CTNNA2: variants seen among roughly 807,000 people sequenced by gnomAD.
CTNNA2 encodes the protein catenin alpha-2.
In CTNNA2, 42 loss-of-function variants were observed where a neutral mutation model predicts 101.0. The observed-to-expected ratio is 0.42, with a 90% confidence interval of 0.32 to 0.54. The LOEUF is 0.54. Among genes scored for constraint, CTNNA2 ranks in the 20% least tolerant of loss-of-function variants. The pLI, the probability that CTNNA2 is intolerant of heterozygous loss-of-function variation, is 0.14. For missense variants in CTNNA2, 871 were observed against 1,223.1 expected (o/e 0.71, Z 4.29); for synonymous variants, 450 against 456.4 (o/e 0.99, Z 0.18).
intron 2 of CTNNA2, among the ~76,000 whole-genome samples, chr2:79,290,358 C>T (rs867140945): frequency 5.9e-5 from 9 of 152,174 alleles, no homozygotes; most frequent in African/African-American, 2.2e-4. Flanking sequence ...GATACGGGAG[C>T]GGGGCAGGGA....
intron 1 of CTNNA2, chr2:79,547,549 C>A (rs1254852607): frequency 6.6e-6 from 1 of 152,186 alleles, no homozygotes; most frequent in African/African-American, 2.4e-5. Flanking sequence ...ATTTTTTAGT[C>A]TTTGTATTAT....
At chr2:79,432,247 A>T (rs927612879) in intron 4 of CTNNA2, among the ~76,000 whole-genome samples, 1 of 152,142 alleles carries the variant, frequency 6.6e-6, no homozygotes, top group African/African-American at 2.4e-5. Flanking sequence ...AACCACAACT[A>T]CAGTACAGTA....
chr2:79,476,187 A>G (rs1040326121), intron 4 of CTNNA2, among the ~76,000 whole-genome samples: 10 of 152,208 alleles, frequency 6.6e-5, no homozygotes, highest in African/African-American at 2.4e-4. Flanking sequence ...GGCAGGAGTT[A>G]TCACACAGGG....
chr2:79,198,125 T>C (rs1490835215), intron 2 of CTNNA2: 2 of 152,132 alleles, frequency 1.3e-5, no homozygotes, highest in Admixed American at 6.5e-5. Flanking sequence ...GATTCAGATA[T>C]GTTAACAAAC....
chr2:79,228,336 T>C (rs981011666), intron 2 of CTNNA2, among the ~76,000 whole-genome samples: 7 of 152,222 alleles, frequency 4.6e-5, no homozygotes, highest in African/African-American at 1.7e-4. Context: ...AAAACTGCTT[T>C]CCACAATGGC....
At chr2:79,371,645 A>T (rs1247450056) in intron 3 of CTNNA2, among the ~76,000 whole-genome samples, 1 of 152,164 alleles carries the variant, frequency 6.6e-6, no homozygotes, top group Admixed American at 6.5e-5. Context: ...CAGGAGGAAC[A>T]TGGTTAAAAA....
At chr2:79,457,231 G>C (rs1422753119) in intron 4 of CTNNA2, among the ~76,000 whole-genome samples, 3 of 150,954 alleles carry the variant, frequency 2.0e-5, no homozygotes, top group Non-Finnish European at 4.4e-5. Flanking sequence ...AAGAAAATTA[G>C]AATTCAGTGT....
chr2:79,299,195 G>A (rs1451044189), intron 2 of CTNNA2, among the ~76,000 whole-genome samples: 1 of 152,134 alleles, frequency 6.6e-6, no homozygotes, highest in Non-Finnish European at 1.5e-5. Context: ...GTCAGGCAGG[G>A]TGTGATGGCC....
chr2:79,427,990 G>C (rs1043166506), intron 4 of CTNNA2, among the ~76,000 whole-genome samples: 1 of 152,024 alleles, frequency 6.6e-6, no homozygotes, highest in African/African-American at 2.4e-5. Flanking sequence ...AATTCCATCA[G>C]CCTCATCCTG....
At chr2:80,110,389 T>A (rs899639461) in intron 7 of CTNNA2, among the ~76,000 whole-genome samples, 4 of 152,202 alleles carry the variant, frequency 2.6e-5, no homozygotes, top group African/African-American at 7.2e-5. Flanking sequence ...ATGTAGCTGA[T>A]CATGACAGAG....
At chr2:79,359,669 T>G (rs1342823768) in intron 3 of CTNNA2, among the ~76,000 whole-genome samples, 1 of 152,168 alleles carries the variant, frequency 6.6e-6, no homozygotes, top group Non-Finnish European at 1.5e-5. Context: ...AATTCCTAGA[T>G]CACTTACCCC....
rs187883540 is a variant in CTNNA2 at position 80,578,686 on chromosome 2, T to A, written c.1894-3020T>A. Among the ~76,000 whole-genome samples, 445 of 152,314 alleles carry A rather than the reference T, an allele frequency of 2.9e-3. 4 individuals carry two copies. Among genetic ancestry groups the A allele is most frequent in the African/African-American group, 1.0e-2 (415 of 41,564 alleles). On this transcript the variant is annotated intron_variant, in intron 13 of 18. Coordinates refer to ENST00000402739, the MANE Select transcript of CTNNA2 (RefSeq NM_001282597.3). ...CTGGTGGTATTTGTGATGGTTAAAA[T>A]CATGGGCTCTGAAACCGTCAACTTG...
intron 7 of CTNNA2, among the ~76,000 whole-genome samples, chr2:80,195,612 C>CTT (rs538517274): frequency 6.7e-4 from 85 of 127,432 alleles, no homozygotes; most frequent in African/African-American, 1.9e-3. Context: ...ACCAAAACAT[C>CTT]TTTTTTTTTT....
intron 18 of CTNNA2, among the ~76,000 whole-genome samples, chr2:80,642,345 A>G (rs1396418932): frequency 6.6e-6 from 1 of 152,152 alleles, no homozygotes; most frequent in African/African-American, 2.4e-5. Flanking sequence ...GCATCCTACT[A>G]AAACACTGTC....
intron 7 of CTNNA2, among the ~76,000 whole-genome samples, chr2:80,007,667 A>G (rs1373422779): frequency 1.3e-5 from 2 of 152,160 alleles, no homozygotes; most frequent in Non-Finnish European, 2.9e-5. Flanking sequence ...TTATATCTGT[A>G]TCAGCTTTCT....
At chr2:80,095,871 G>C (rs938843167) in intron 7 of CTNNA2, among the ~76,000 whole-genome samples, 3 of 151,880 alleles carry the variant, frequency 2.0e-5, no homozygotes, top group African/African-American at 7.3e-5. Context: ...ATTTTTTATT[G>C]CGTCAATTTG....
intron 2 of CTNNA2, among the ~76,000 whole-genome samples, chr2:79,231,888 T>C (rs1180248706): frequency 6.6e-6 from 1 of 152,224 alleles, no homozygotes; most frequent in African/African-American, 2.4e-5. Flanking sequence ...GAAATTCTAC[T>C]GCTTTCTATA....
chr2:79,982,897 ACT>A (rs544067824), intron 7 of CTNNA2, among the ~76,000 whole-genome samples: 61 of 151,950 alleles, frequency 4.0e-4, no homozygotes, highest in African/African-American at 1.4e-3. Context: ...TAAAGGAATA[ACT>A]CTCTCTCTCT....
chr2:80,576,073 C>A (rs757188499), intron 13 of CTNNA2, among the ~76,000 whole-genome samples: 2 of 152,092 alleles, frequency 1.3e-5, no homozygotes, highest in Non-Finnish European at 2.9e-5. Flanking sequence ...AACAATAAGA[C>A]AAGTAGAATT....
Sources: gnomAD v4.1 joint callset for allele counts (sites outside exome capture counted in the v4.1 genomes callset) on GRCh38, gnomAD v4.1.1 for gene constraint, MANE v1.5 for transcripts, NCBI Gene and HGNC (gene_info 2026-07-23, HGNC 2026-07-21) for gene names.